The following GRIN2A variants were observed in gnomAD, a reference collection of about 807,000 sequenced individuals.
GRIN2A encodes the protein glutamate ionotropic receptor NMDA type subunit 2A.
In GRIN2A, 22 loss-of-function variants were observed where a neutral mutation model predicts 113.4. The observed-to-expected ratio is 0.19, with a 90% CI of 0.14 to 0.28. The LOEUF is 0.28. Ranked by LOEUF, GRIN2A falls within the 10% of genes least tolerant of loss-of-function variation. GRIN2A has a pLI of 1.00. For synonymous variants in GRIN2A, 827 were observed against 738.4 expected, an observed-to-expected ratio of 1.12 and a Z score of -1.94; for missense variants, 1,502 against 1,887.0, an observed-to-expected ratio of 0.80 and a Z score of 3.78.
At chr16:10,150,149 GTC>G (rs1463898831) in intron 2 of GRIN2A, among the ~76,000 whole-genome samples, 7 of 152,228 alleles carry the variant, frequency 4.6e-5, no homozygotes, top group African/African-American at 1.4e-4. Context: ...GTGGGTTACA[GTC>G]TGTTTACACA....
Position 10,021,554 on chromosome 16 carries a change from G to A in GRIN2A, c.415-83003C>T, listed in dbSNP as rs553979615. 7.2e-5 allele frequency among the ~76,000 whole-genome samples: 11 copies of A among 152,234 alleles called. 1 individual carries two copies. In the South Asian group the frequency reaches 2.3e-3, roughly 32 times the overall value. Reference sequence around the variant, plus strand: ...GAAAAAGGAAATAAAAAAGGAAGCTGAAATCCACATTGACAGCAAAGATAG... The same window carrying A: ...GAAAAAGGAAATAAAAAAGGAAGCTAAAATCCACATTGACAGCAAAGATAG... On this transcript the variant is annotated intron_variant, in intron 2 of 12. Coordinates refer to ENST00000330684, the MANE Select transcript of GRIN2A (RefSeq NM_001134407.3).
At chr16:10,016,635 G>A (rs772491842) in intron 2 of GRIN2A, among the ~76,000 whole-genome samples, 4 of 152,152 alleles carry the variant, frequency 2.6e-5, no homozygotes, top group African/African-American at 7.2e-5. Flanking sequence ...GGATAACAAC[G>A]GAGAGACGAA....
intron 4 of GRIN2A, among the ~76,000 whole-genome samples, chr16:9,877,311 A>G (rs2043387687): frequency 6.6e-6 from 1 of 152,204 alleles, no homozygotes; most frequent in African/African-American, 2.4e-5. Flanking sequence ...TATTCAGACA[A>G]CTACTACAGT....
chr16:9,813,391 G>A (rs2042124043), intron 10 of GRIN2A, among the ~76,000 whole-genome samples: 1 of 152,116 alleles, frequency 6.6e-6, no homozygotes, highest in Non-Finnish European at 1.5e-5. Flanking sequence ...CTTTTTTCTA[G>A]CTATTGCAAG....
chr16:10,094,985 G>C (rs2048258571), intron 2 of GRIN2A, among the ~76,000 whole-genome samples: 1 of 151,790 alleles, frequency 6.6e-6, no homozygotes, highest in Non-Finnish European at 1.5e-5. Flanking sequence ...TATATTTGGA[G>C]ATAGGGCTTT....
At chr16:10,040,762 C>G (rs958315715) in intron 2 of GRIN2A, among the ~76,000 whole-genome samples, 2 of 152,258 alleles carry the variant, frequency 1.3e-5, no homozygotes, top group African/African-American at 2.4e-5. Context: ...CCACGCAACC[C>G]TCACGCAGCT....
chr16:10,167,556 A>G (rs1015421364), intron 2 of GRIN2A, among the ~76,000 whole-genome samples: 2 of 152,164 alleles, frequency 1.3e-5, no homozygotes, highest in African/African-American at 4.8e-5. Flanking sequence ...AACAGAAAGA[A>G]ATTTCCATTC....
intron 4 of GRIN2A, among the ~76,000 whole-genome samples, chr16:9,874,531 G>A (rs78873777): frequency 0.012 from 1,866 of 152,184 alleles, 32 homozygotes; most frequent in African/African-American, 0.042. Flanking sequence ...AGGGATGGGG[G>A]GACCCCCAAC....
intron 2 of GRIN2A, among the ~76,000 whole-genome samples, chr16:10,125,346 T>G (rs2048912421): frequency 6.6e-6 from 1 of 152,164 alleles, no homozygotes; most frequent in Non-Finnish European, 1.5e-5. Context: ...ATATTTGGCT[T>G]TCCCTGGAAG....
chr16:9,771,144 A>C (rs1192633676), intron 11 of GRIN2A, among the ~76,000 whole-genome samples: 1 of 150,718 alleles, frequency 6.6e-6, no homozygotes, highest in African/African-American at 2.4e-5. Flanking sequence ...ATAGGGATGT[A>C]GTGCTAGCTC....
chr16:9,944,492 T>A (rs2044968936), intron 2 of GRIN2A, among the ~76,000 whole-genome samples: 1 of 152,122 alleles, frequency 6.6e-6, no homozygotes, highest in Non-Finnish European at 1.5e-5. Flanking sequence ...ACCATCATCA[T>A]CATGACCATC....
At chr16:10,059,502 A>C (rs1338019271) in intron 2 of GRIN2A, among the ~76,000 whole-genome samples, 1 of 152,112 alleles carries the variant, frequency 6.6e-6, no homozygotes, top group African/African-American at 2.4e-5. Flanking sequence ...CCTGGCTTTG[A>C]CTGGTGGTAG....
chr16:10,133,522 G>T (rs1263979407), intron 2 of GRIN2A, among the ~76,000 whole-genome samples: 1 of 152,164 alleles, frequency 6.6e-6, no homozygotes, highest in Non-Finnish European at 1.5e-5. Context: ...CACGAGAAGC[G>T]CTTGAACCCG....
chr16:9,991,154 T>C (rs1445226619), intron 2 of GRIN2A, among the ~76,000 whole-genome samples: 4 of 152,226 alleles, frequency 2.6e-5, no homozygotes, highest in Non-Finnish European at 5.9e-5. Flanking sequence ...AAATGCCTGG[T>C]ATTTCTTAAT....
chr16:10,106,818 G>T (rs377038789), intron 2 of GRIN2A, among the ~76,000 whole-genome samples: 90 of 152,254 alleles, frequency 5.9e-4, no homozygotes, highest in African/African-American at 2.0e-3. Context: ...GGACATGGAG[G>T]GATTCATGAA....
intron 4 of GRIN2A, among the ~76,000 whole-genome samples, chr16:9,859,989 G>T (rs924526035): frequency 6.6e-6 from 1 of 151,578 alleles, no homozygotes; most frequent in Non-Finnish European, 1.5e-5. Context: ...CCTCAGAGAG[G>T]TCTATCCTAT....
At position 9,764,788 on chromosome 16, in the gene GRIN2A, T is replaced by G; in HGVS notation, c.2756A>C (p.Lys919Thr). The change falls in exon 13 of 13, where the codon AAA (lysine) becomes ACA (threonine). Residue 919 changes from lysine (K) to threonine (T), a missense_variant. Transcript: ENST00000330684. ...NMNSSRMDSP[K>T]RAADFIQRGS... ...TCTTTGGATGAAGTCAGCAGCTCTT[T>G]TGGGTGAGTCCATTCTTGAGGAGTT... The G allele has an allele frequency of 6.2e-7, 1 of 1,614,216 alleles. No homozygotes were observed. The highest frequency in any genetic ancestry group is 2.2e-5 in the East Asian group (1 of 44,882).
At chr16:9,933,424 C>A (rs4780717) in intron 3 of GRIN2A, among the ~76,000 whole-genome samples, 1 of 151,954 alleles carries the variant, frequency 6.6e-6, no homozygotes, top group Non-Finnish European at 1.5e-5. Context: ...TTGTTCTCAA[C>A]CAGTCAAATC....
At chr16:10,130,374 T>C (rs1596537113) in intron 2 of GRIN2A, among the ~76,000 whole-genome samples, 1 of 152,328 alleles carries the variant, frequency 6.6e-6, no homozygotes, top group East Asian at 1.9e-4. Context: ...TGTAGAATCT[T>C]AGAATTAATA....
Sources: allele counts gnomAD v4.1 joint callset (sites outside exome capture counted in the v4.1 genomes callset), GRCh38; gene constraint gnomAD v4.1.1; transcripts MANE v1.5; gene names NCBI Gene and HGNC (gene_info 2026-07-23, HGNC 2026-07-21).